TRMT11: variants seen among roughly 807,000 people sequenced by gnomAD.
TRMT11 encodes the protein tRNA methyltransferase 11, also known as tRNA (guanine(10)-N(2))-methyltransferase TRMT11.
A neutral mutation model predicts 62.8 loss-of-function variants in TRMT11; 53 were observed. The observed-to-expected ratio is 0.84, with a 90% confidence interval of 0.68 to 1.06. TRMT11 has a LOEUF of 1.06. Ranked by LOEUF, TRMT11 falls within the 50% of genes least tolerant of loss-of-function variation. The probability of loss-of-function intolerance (pLI) is 0.00; values close to 1 mark genes in which losing one functional copy is unlikely to be tolerated. For missense variants in TRMT11, 556 were observed against 553.4 expected, an observed-to-expected ratio of 1.00 and a Z score of -0.05; for synonymous variants, 188 against 190.3, an observed-to-expected ratio of 0.99 and a Z score of 0.10.
At chr6:126,224,040 A>G in the TRMT11 span, among the ~76,000 whole-genome samples, 4 of 152,020 alleles carry the variant, frequency 2.6e-5, no homozygotes, top group South Asian at 4.1e-4. Flanking sequence ...TTCAGTTCTT[A>G]TATTATTTTA....
At chr6:126,215,322 C>G in the TRMT11 span, among the ~76,000 whole-genome samples, 2 of 151,918 alleles carry the variant, frequency 1.3e-5, no homozygotes, top group Admixed American at 1.3e-4. Context: ...TGGGGTATAT[C>G]TCTCTTTATC....
At chr6:126,026,126 A>G (rs1773029232) in intron 12 of TRMT11, among the ~76,000 whole-genome samples, 1 of 152,184 alleles carries the variant, frequency 6.6e-6, no homozygotes, top group Admixed American at 6.5e-5. Context: ...AATGATGAGT[A>G]ACACTTTTAT....
At chr6:126,157,201 C>T (rs1778132054) in intron 21 of TRMT11, among the ~76,000 whole-genome samples, 1 of 152,202 alleles carries the variant, frequency 6.6e-6, no homozygotes. Context: ...ACCTCGTCCA[C>T]ACTTCCTCTT....
At chr6:126,170,754 G>A (rs1422574237) in intron 21 of TRMT11, among the ~76,000 whole-genome samples, 1 of 151,926 alleles carries the variant, frequency 6.6e-6, no homozygotes, top group African/African-American at 2.4e-5. Flanking sequence ...GCTCTTTGGG[G>A]GTTTTTCCAG....
intron 17 of TRMT11, among the ~76,000 whole-genome samples, chr6:126,066,541 C>G (rs1215752608): frequency 6.6e-6 from 1 of 152,128 alleles, no homozygotes; most frequent in Non-Finnish European, 1.5e-5. Flanking sequence ...CTAATCCTAT[C>G]ATGGGGGCCC....
intron 11 of TRMT11, among the ~76,000 whole-genome samples, chr6:126,015,469 C>G (rs1025545418): frequency 1.3e-5 from 2 of 152,122 alleles, no homozygotes; most frequent in African/African-American, 4.8e-5. Context: ...ACCTCTTGAT[C>G]CACTTGCCTC....
chr6:126,185,536 A>G (rs1778517080), intron 1 of TRMT11, among the ~76,000 whole-genome samples: 1 of 152,178 alleles, frequency 6.6e-6, no homozygotes, highest in Non-Finnish European at 1.5e-5. Flanking sequence ...ATTTTTAAAT[A>G]TTCTCTCATT....
chr6:126,063,021 A>G (rs1173333271), intron 17 of TRMT11, among the ~76,000 whole-genome samples: 2 of 152,212 alleles, frequency 1.3e-5, no homozygotes, highest in Non-Finnish European at 2.9e-5. Context: ...TTTATTGGAC[A>G]TGTTTCATAA....
At chr6:126,065,944 A>G (rs1273066509) in intron 17 of TRMT11, among the ~76,000 whole-genome samples, 3 of 152,198 alleles carry the variant, frequency 2.0e-5, no homozygotes, top group African/African-American at 7.2e-5. Context: ...TGCTCAGACT[A>G]TAGAAAACCG....
intron 17 of TRMT11, among the ~76,000 whole-genome samples, chr6:126,085,007 C>T (rs986970942): frequency 2.0e-5 from 3 of 152,114 alleles, no homozygotes; most frequent in Non-Finnish European, 1.5e-5. Context: ...ACCTGAGGTA[C>T]AGCATGATGA....
chr6:126,093,616 TA>T (rs1562321388), intron 17 of TRMT11, among the ~76,000 whole-genome samples: 1,115 of 93,176 alleles, frequency 0.012, 139 homozygotes, highest in African/African-American at 0.071. Flanking sequence ...TATATATATA[TA>T]TATATATATA....
At chr6:126,190,915 T>C (rs1232874836) in intron 1 of TRMT11, among the ~76,000 whole-genome samples, 1 of 152,218 alleles carries the variant, frequency 6.6e-6, no homozygotes, top group Non-Finnish European at 1.5e-5. Flanking sequence ...GGAGTGCAGA[T>C]ATCTCTTCAA....
At chr6:126,249,277 C>T in the TRMT11 span, among the ~76,000 whole-genome samples, 1 of 151,926 alleles carries the variant, frequency 6.6e-6, no homozygotes, top group African/African-American at 2.4e-5. Context: ...AAGGTGAACC[C>T]ATAGCATTAT....
chr6:126,260,227 T>C, the TRMT11 span, among the ~76,000 whole-genome samples: 1 of 152,218 alleles, frequency 6.6e-6, no homozygotes, highest in Non-Finnish European at 1.5e-5. Context: ...ATTGCTTTCT[T>C]TGTGGTTATC....
At chr6:126,142,093 A>G (rs1186838899) in intron 21 of TRMT11, among the ~76,000 whole-genome samples, 2 of 152,050 alleles carry the variant, frequency 1.3e-5, no homozygotes, top group Admixed American at 1.3e-4. Flanking sequence ...ACAGCAATAA[A>G]TGTACATTTT....
At chr6:126,148,060 T>A (rs7747126) in intron 21 of TRMT11, among the ~76,000 whole-genome samples, 36,376 of 151,886 alleles carry the variant, frequency 0.24, 4,781 homozygotes, top group African/African-American at 0.35. Context: ...TAAAAAAAAA[T>A]TCCTGAGATT....
chr6:125,998,241 G>A lies in TRMT11; in HGVS notation c.313G>A (p.Asp105Asn). The change falls in exon 5 of 13, where the codon GAC becomes AAC. Residue 105 changes from aspartate (D) to asparagine (N), a missense_variant. Transcript: ENST00000334379. ...ATTTTAGGTTCCATTTCTACATTCGGACTCTACATATAAAATAAAGATTCA... is the reference window on the plus strand; with the variant it reads ...ATTTTAGGTTCCATTTCTACATTCGAACTCTACATATAAAATAAAGATTCA... The part of the protein sequence containing the change: ...VEKMVPFLHS[D>N]STYKIKIHTF... 8 of 1,601,218 alleles carry A rather than the reference G, an allele frequency of 5.0e-6. No homozygotes were observed. Among genetic ancestry groups the A allele is most frequent in the Non-Finnish European group, 6.8e-6 (8 of 1,169,098 alleles).
chr6:126,231,114 G>T, the TRMT11 span, among the ~76,000 whole-genome samples: 1 of 152,178 alleles, frequency 6.6e-6, no homozygotes, highest in Non-Finnish European at 1.5e-5. Context: ...TGTTTTGCTT[G>T]TGCTTGAGTT....
intron 17 of TRMT11, among the ~76,000 whole-genome samples, chr6:126,081,273 G>T (rs1175341079): frequency 1.3e-5 from 2 of 152,168 alleles, no homozygotes; most frequent in Non-Finnish European, 2.9e-5. Context: ...ATACCAATAT[G>T]CAAAGGCCAC....
Sources: gnomAD v4.1 joint callset for allele counts (sites outside exome capture counted in the v4.1 genomes callset) on GRCh38, gnomAD v4.1.1 for gene constraint, MANE v1.5 for transcripts, NCBI Gene and HGNC (gene_info 2026-07-23, HGNC 2026-07-21) for gene names.